The following PPP1R12B variants were observed in gnomAD, a reference collection of about 807,000 sequenced individuals.
The protein encoded by PPP1R12B is myosin phosphatase target subunit 2.
In PPP1R12B, 76 loss-of-function variants were observed where a neutral mutation model predicts 126.1. That is an observed-to-expected ratio of 0.60 (90% CI 0.50 to 0.73). The LOEUF is 0.73. Ranked by LOEUF, PPP1R12B falls within the 30% of genes least tolerant of loss-of-function variation. The pLI is 0.00. For synonymous variants in PPP1R12B, 356 were observed against 434.7 expected, an observed-to-expected ratio of 0.82 and a Z score of 2.25; for missense variants, 1,052 against 1,205.1, an observed-to-expected ratio of 0.87 and a Z score of 1.88.
chr1:202,428,292 G>A (rs1669807059), intron 5 of PPP1R12B, among the ~76,000 whole-genome samples: 1 of 152,210 alleles, frequency 6.6e-6, no homozygotes, highest in Non-Finnish European at 1.5e-5. Flanking sequence ...TTTTCTAGTA[G>A]TGCAGAGATA....
chr1:202,362,956 C>T (rs1658480349), intron 1 of PPP1R12B, among the ~76,000 whole-genome samples: 1 of 152,148 alleles, frequency 6.6e-6, no homozygotes, highest in African/African-American at 2.4e-5. Flanking sequence ...GCCTCAGCCC[C>T]CTGAGTAGCT....
At position 202,471,994 on chromosome 1, in the gene PPP1R12B, T is replaced by C. The variant is rs111493135; in HGVS notation, c.1851-16539T>C. 1.3e-3 allele frequency: 2,066 copies of C among 1,596,430 alleles called. 26 individuals are homozygous for C. The African/African-American group carries it at 0.024, about 19-fold the overall frequency. On this transcript the variant is annotated intron_variant, in intron 13 of 23. Transcript: ENST00000608999. Reference sequence around the variant, plus strand: ...GCATGGCTAAAGACCGTGGTGATTTTATAGCATCCTGGGCATTTCACATCC... The same window carrying C: ...GCATGGCTAAAGACCGTGGTGATTTCATAGCATCCTGGGCATTTCACATCC...
At chr1:202,352,707 C>A (rs1656247692) in intron 1 of PPP1R12B, among the ~76,000 whole-genome samples, 1 of 151,910 alleles carries the variant, frequency 6.6e-6, no homozygotes, top group African/African-American at 2.4e-5. Context: ...GTCAACATTG[C>A]AAAATCCCGT....
chr1:202,567,223 C>T (rs1412530192), intron 21 of PPP1R12B, among the ~76,000 whole-genome samples: 1 of 152,182 alleles, frequency 6.6e-6, no homozygotes, highest in East Asian at 1.9e-4. Flanking sequence ...CTCCTAAGAA[C>T]CCCTTAAAGC....
In PPP1R12B at chr1:202,558,891, T is replaced by C; in HGVS notation, c.2505T>C (p.Ser835=). The change falls in exon 19 of 24, where the codon TCT becomes TCC. Residue 835 remains serine (S), a splice_region_variant and synonymous_variant. Coordinates refer to ENST00000608999, the MANE Select transcript of PPP1R12B (RefSeq NM_002481.4). The part of the protein sequence containing the change: ...EVKETWHERL[S]RLESGGSNPT... ...CCTTTCTCTAGCATGAAAGACTTTC[T>C]AGGTAAGAACTCTCCCTGTTATATA... 6.3e-7 allele frequency: 1 copy of C among 1,582,824 alleles called. No individual in the cohort carries two copies. The highest frequency in any genetic ancestry group is 8.6e-7 in the Non-Finnish European group (1 of 1,158,456).
chr1:202,354,034 T>G (rs2148376012), intron 1 of PPP1R12B, among the ~76,000 whole-genome samples: 1 of 152,340 alleles, frequency 6.6e-6, no homozygotes, highest in African/African-American at 2.4e-5. Flanking sequence ...TAAGCACAAT[T>G]CTGCCAAAGG....
At position 202,585,386 on chromosome 1, in the gene PPP1R12B, G is replaced by A. The variant is rs965958071; in HGVS notation, c.*4826G>A. ...AGCAGGCAGCTTTGAGGACAAAAAGGCAACATTAAAAGATAAGACCCTAGA... is the reference window on the plus strand; with the variant it reads ...AGCAGGCAGCTTTGAGGACAAAAAGACAACATTAAAAGATAAGACCCTAGA... On this transcript the variant is annotated 3_prime_UTR_variant, in exon 24 of 24. Coordinates refer to ENST00000608999, the MANE Select transcript of PPP1R12B (RefSeq NM_002481.4). The A allele has an allele frequency of 6.6e-6, 1 of 152,182 alleles. No homozygotes were observed. Among genetic ancestry groups the A allele is most frequent in the Non-Finnish European group, 1.5e-5 (1 of 68,044 alleles). 9.4% of individuals were successfully genotyped at this position (152,182 alleles called of 1,614,324 possible). A position where few individuals can be genotyped will look rare whatever the true frequency, so the allele number is the denominator to read the frequency against.
chr1:202,464,384 G>A (rs1215218111), intron 13 of PPP1R12B, among the ~76,000 whole-genome samples: 1 of 152,160 alleles, frequency 6.6e-6, no homozygotes, highest in Non-Finnish European at 1.5e-5. Flanking sequence ...GCAGAAGAAC[G>A]TCTATTGATC....
Position 202,481,105 on chromosome 1 carries a change from G to A in PPP1R12B, c.1851-7428G>A, listed in dbSNP as rs531721438. Among the ~76,000 whole-genome samples the A allele has an allele frequency of 3.9e-5, 6 of 152,290 alleles. No individual in the cohort carries two copies. The South Asian group carries it at 6.2e-4, about 16-fold the overall frequency. On this transcript the variant is annotated intron_variant, in intron 13 of 23. Coordinates refer to ENST00000608999, the MANE Select transcript of PPP1R12B (RefSeq NM_002481.4). ...ATGGGCAGCTCACAATAGGGTTCAC[G>A]TCCCTATGAGAATCTAATGCCGTGG...
At chr1:202,506,741 T>C (rs920538105) in intron 18 of PPP1R12B, among the ~76,000 whole-genome samples, 3 of 152,240 alleles carry the variant, frequency 2.0e-5, no homozygotes, top group Non-Finnish European at 2.9e-5. Flanking sequence ...CTTAAAACTC[T>C]GCTGGAGCTT....
chr1:202,349,056 G>T lies in PPP1R12B; in HGVS notation c.205G>T (p.Gly69Trp), dbSNP rs574380817. 2 of 1,614,040 alleles carry T rather than the reference G, an allele frequency of 1.2e-6. No individual in the cohort carries two copies. Among genetic ancestry groups the T allele is most frequent in the East Asian group, 2.2e-5 (1 of 44,874 alleles). ...TGTCTTTCTGGCCGCCTGCTCTAGC[G>T]GGGACACCGACGAGGTGAGAAAGCT... ...GAVFLAACSS[G>W]DTDEVRKLLA... Residue 69 changes from glycine to tryptophan, a missense_variant, in exon 1 of 24, where the codon GGG becomes TGG. Physicochemically the swap from Gly to Trp is radical, Grantham distance 184 (BLOSUM62 -2). Coordinates refer to ENST00000608999, the MANE Select transcript of PPP1R12B (RefSeq NM_002481.4).
At chr1:202,396,114 T>G (rs191486360) in intron 1 of PPP1R12B, among the ~76,000 whole-genome samples, 359 of 152,284 alleles carry the variant, frequency 2.4e-3, no homozygotes, top group Non-Finnish European at 4.0e-3. Context: ...CCACAACCAC[T>G]CTGATCTGGC....
In PPP1R12B at chr1:202,493,204, C is replaced by T. The variant is rs749717980; in HGVS notation, c.2032C>T (p.Pro678Ser). 5.0e-6 allele frequency: 8 copies of T among 1,612,770 alleles called. No homozygotes were observed. The East Asian group carries it at 1.8e-4, about 36-fold the overall frequency. The change falls in exon 15 of 24, where the codon CCC (proline) becomes TCC (serine). Residue 678 changes from proline (P) to serine (S), a missense_variant. Physicochemically the swap from Pro to Ser is moderately conservative, Grantham distance 74. Transcript: ENST00000608999. Reference sequence around the variant, plus strand: ...AGCTCAGGAGCAGCCTCGTGAGAAGCCCACAGACACTGAAGGGCTTGAGGG... The same window carrying T: ...AGCTCAGGAGCAGCCTCGTGAGAAGTCCACAGACACTGAAGGGCTTGAGGG... Reference protein sequence around the residue: ...RQAQEQPREKPTDTEGLEGSP... With the variant: ...RQAQEQPREKSTDTEGLEGSP...
intron 18 of PPP1R12B, among the ~76,000 whole-genome samples, chr1:202,548,168 A>G (rs1685846776): frequency 6.6e-6 from 1 of 152,210 alleles, no homozygotes; most frequent in African/African-American, 2.4e-5. Context: ...TTAACCAGTA[A>G]GGCATGTAAC....
chr1:202,350,461 C>T (rs1655729037), intron 1 of PPP1R12B, among the ~76,000 whole-genome samples: 1 of 151,978 alleles, frequency 6.6e-6, no homozygotes, highest in South Asian at 2.1e-4. Flanking sequence ...AAGAAGTGGC[C>T]CATAGGCATG....
rs1689708793 is a variant in PPP1R12B, at chr1:202,584,496, A to G, written c.*3936A>G. The G allele has an allele frequency of 6.6e-6, 1 of 152,230 alleles. No homozygotes were observed. The highest frequency in any genetic ancestry group is 2.4e-5 in the African/African-American group (1 of 41,444). The allele number at this position is 152,230 out of a possible 1,614,324, so 9.4% of individuals were successfully genotyped here. A position where few individuals can be genotyped will look rare whatever the true frequency, so the allele number is the denominator to read the frequency against. ...CTAGAGGCATTTAATTGAGCCAAAG[A>G]TGATGGAAGAAGAAACTCTCAAAGC... On this transcript the variant is annotated 3_prime_UTR_variant, in exon 24 of 24. Transcript: ENST00000608999.
intron 1 of PPP1R12B, among the ~76,000 whole-genome samples, chr1:202,413,991 G>A (rs913640994): frequency 2.4e-4 from 37 of 151,922 alleles, no homozygotes; most frequent in Non-Finnish European, 4.1e-4. Context: ...GTGCCATCCT[G>A]GCTCACTGCA....
intron 18 of PPP1R12B, among the ~76,000 whole-genome samples, chr1:202,546,603 CA>C (rs1472881063): frequency 2.0e-5 from 3 of 149,546 alleles, no homozygotes; most frequent in Non-Finnish European, 4.4e-5. Context: ...GACTCTGTCT[CA>C]AAAAGAAAAA....
chr1:202,394,611 G>A (rs911710546), intron 1 of PPP1R12B, among the ~76,000 whole-genome samples: 2 of 151,738 alleles, frequency 1.3e-5, no homozygotes, highest in Non-Finnish European at 1.5e-5. Context: ...AAAATTAGCC[G>A]GGCATGGTGG....
Sources: gnomAD v4.1 joint callset for allele counts (sites outside exome capture counted in the v4.1 genomes callset) on GRCh38, gnomAD v4.1.1 for gene constraint, MANE v1.5 for transcripts, NCBI Gene and HGNC (gene_info 2026-07-23, HGNC 2026-07-21) for gene names.